Variants in RPS6KC1 observed in about 807,000 individuals in gnomAD.
RPS6KC1 encodes the protein ribosomal protein S6 kinase C1, also known as inactive ribosomal protein S6 kinase delta-1.
In RPS6KC1, 54 loss-of-function variants were observed where a neutral mutation model predicts 103.8. The ratio of observed to expected loss-of-function variants is 0.52; its 90% confidence interval spans 0.42 to 0.65. The LOEUF (loss-of-function observed/expected upper bound fraction) is 0.65. Ranked by LOEUF, RPS6KC1 falls within the 30% of genes least tolerant of loss-of-function variation. The probability of loss-of-function intolerance (pLI) is 0.00; values close to 1 mark genes in which losing one functional copy is unlikely to be tolerated. For synonymous variants in RPS6KC1, 439 were observed against 438.7 expected, an observed-to-expected ratio of 1.00 and a Z score of -0.01; for missense variants, 1,151 against 1,253.8, an observed-to-expected ratio of 0.92 and a Z score of 1.24.
At chr1:213,093,360 G>A (rs1193384641) in intron 3 of RPS6KC1, among the ~76,000 whole-genome samples, 1 of 151,936 alleles carries the variant, frequency 6.6e-6, no homozygotes, top group Non-Finnish European at 1.5e-5. Flanking sequence ...ATAGGTGTCT[G>A]CCACCATGCC....
At chr1:213,525,189 A>G in the RPS6KC1 span, among the ~76,000 whole-genome samples, 1 of 152,232 alleles carries the variant, frequency 6.6e-6, no homozygotes, top group Admixed American at 6.5e-5. Flanking sequence ...GGTGGCTTGA[A>G]TCAGGATGGG....
At chr1:213,363,694 CTT>C in the RPS6KC1 span, among the ~76,000 whole-genome samples, 518 of 96,418 alleles carry the variant, frequency 5.4e-3, 57 homozygotes, top group African/African-American at 8.2e-3. Flanking sequence ...TTCTTTCTTT[CTT>C]TCTTTCCTTC....
At chr1:213,716,644 T>C in the RPS6KC1 span, among the ~76,000 whole-genome samples, 4 of 152,234 alleles carry the variant, frequency 2.6e-5, no homozygotes, top group African/African-American at 9.6e-5. Flanking sequence ...CAGCTCATAA[T>C]TTGTACTTCT....
the RPS6KC1 span, among the ~76,000 whole-genome samples, chr1:213,340,272 A>T: frequency 6.6e-6 from 1 of 152,228 alleles, no homozygotes. Flanking sequence ...AATGAGGCTT[A>T]GCAAGTCCTT....
the RPS6KC1 span, among the ~76,000 whole-genome samples, chr1:213,742,499 A>G: frequency 1.3e-5 from 2 of 152,350 alleles, no homozygotes; most frequent in East Asian, 3.9e-4. Context: ...GCTGAAGAAT[A>G]CCTTTGGTTT....
At chr1:213,680,673 G>A in the RPS6KC1 span, among the ~76,000 whole-genome samples, 3 of 152,126 alleles carry the variant, frequency 2.0e-5, no homozygotes, top group African/African-American at 7.2e-5. Context: ...GAGGGGGAAG[G>A]AGGGAAGGAT....
At chr1:213,738,064 A>G in the RPS6KC1 span, among the ~76,000 whole-genome samples, 8 of 152,194 alleles carry the variant, frequency 5.3e-5, no homozygotes, top group Non-Finnish European at 7.3e-5. Flanking sequence ...ATAGGGCCTC[A>G]CTTCCCCAAA....
intron 8 of RPS6KC1, among the ~76,000 whole-genome samples, chr1:213,225,801 T>C (rs1008188107): frequency 2.0e-5 from 3 of 152,202 alleles, no homozygotes; most frequent in Non-Finnish European, 2.9e-5. Context: ...TAAGGGGCTT[T>C]TAATAGGGAG....
the RPS6KC1 span, among the ~76,000 whole-genome samples, chr1:213,665,843 T>C: frequency 3.3e-5 from 5 of 152,196 alleles, no homozygotes; most frequent in South Asian, 2.1e-4. Context: ...AAATACTGTG[T>C]AGTAAATACA....
chr1:213,854,187 C>T, the RPS6KC1 span, among the ~76,000 whole-genome samples: 1 of 152,238 alleles, frequency 6.6e-6, no homozygotes, highest in Non-Finnish European at 1.5e-5. Flanking sequence ...GATAATTCAT[C>T]TCCTCAAACA....
the RPS6KC1 span, among the ~76,000 whole-genome samples, chr1:213,625,866 T>C: frequency 6.6e-6 from 1 of 152,196 alleles, no homozygotes; most frequent in Non-Finnish European, 1.5e-5. Context: ...TCTTTGCTAT[T>C]GTGAATAGTG....
the RPS6KC1 span, among the ~76,000 whole-genome samples, chr1:213,451,157 C>T: frequency 3.3e-5 from 5 of 152,096 alleles, no homozygotes; most frequent in Admixed American, 6.5e-5. Context: ...ATTCAGAATC[C>T]GTAAGGGAGG....
chr1:213,297,618 G>A, the RPS6KC1 span, among the ~76,000 whole-genome samples: 69,098 of 151,850 alleles, frequency 0.46, 18,798 homozygotes, highest in East Asian at 0.66. Context: ...ATGTGGTTTG[G>A]GTTTTTATTT....
chr1:213,140,779 G>C (rs1323335181), intron 6 of RPS6KC1, among the ~76,000 whole-genome samples: 3 of 151,294 alleles, frequency 2.0e-5, no homozygotes, highest in Non-Finnish European at 2.9e-5. Context: ...ATTCATCAAG[G>C]ATAGTGGTTT....
intron 12 of RPS6KC1, among the ~76,000 whole-genome samples, chr1:213,245,400 C>T (rs991469243): frequency 1.3e-5 from 2 of 152,072 alleles, no homozygotes; most frequent in African/African-American, 2.4e-5. Flanking sequence ...CAAGTCTAAC[C>T]TTAGTATTAT....
At chr1:213,413,084 T>A in the RPS6KC1 span, among the ~76,000 whole-genome samples, 513 of 152,360 alleles carry the variant, frequency 3.4e-3, 3 homozygotes, top group African/African-American at 0.012. Context: ...ATTGAATGAA[T>A]GAATGACGAT....
the RPS6KC1 span, among the ~76,000 whole-genome samples, chr1:213,340,035 G>A: frequency 0.074 from 11,264 of 152,258 alleles, 498 homozygotes; most frequent in Middle Eastern, 0.11. Flanking sequence ...TGGGATTACA[G>A]GCATGCGCCA....
chr1:213,748,035 G>A, the RPS6KC1 span, among the ~76,000 whole-genome samples: 9 of 152,150 alleles, frequency 5.9e-5, no homozygotes. Flanking sequence ...TGTATGAGGA[G>A]CCAGGTGGGT....
chr1:213,132,062 A>G (rs943652074), intron 6 of RPS6KC1, among the ~76,000 whole-genome samples: 2 of 152,196 alleles, frequency 1.3e-5, no homozygotes, highest in Non-Finnish European at 2.9e-5. Flanking sequence ...TCAAAATGAG[A>G]ATTATAGATG....
Sources: gnomAD v4.1 joint callset for allele counts (sites outside exome capture counted in the v4.1 genomes callset) on GRCh38, gnomAD v4.1.1 for gene constraint, MANE v1.5 for transcripts, NCBI Gene and HGNC (gene_info 2026-07-23, HGNC 2026-07-21) for gene names.